Variants in FRMD4A observed in about 807,000 individuals in gnomAD.
FRMD4A encodes the protein FERM domain containing 4A.
FRMD4A carries 29 observed loss-of-function variants against 129.1 expected under a neutral mutation model. The observed-to-expected ratio is 0.22, with a 90% CI of 0.17 to 0.31. FRMD4A has a LOEUF of 0.31. Among genes scored for constraint, FRMD4A ranks in the 10% least tolerant of loss-of-function variants. The pLI is 1.00. For synonymous variants in FRMD4A, 634 were observed against 571.6 expected, an observed-to-expected ratio of 1.11 and a Z score of -1.56; for missense variants, 1,272 against 1,375.8, an observed-to-expected ratio of 0.92 and a Z score of 1.19.
chr10:13,772,677 T>C (rs1286027629), intron 6 of FRMD4A, among the ~76,000 whole-genome samples: 2 of 152,160 alleles, frequency 1.3e-5, no homozygotes, highest in Non-Finnish European at 2.9e-5. Flanking sequence ...TGGGAGGTCA[T>C]GATGTAAAGT....
rs567234806 is a variant in FRMD4A at position 14,057,397 on chromosome 10, C to A, written c.46-198485G>T. 5.3e-5 allele frequency among the ~76,000 whole-genome samples: 8 copies of A among 152,232 alleles called. No homozygotes were observed. In the South Asian group the frequency reaches 1.7e-3, roughly 32 times the overall value. ...TAGAGCTGGGGTTATAGGATTAGGTCATGTTGACAAACACAACAAAATAAT... is the reference window on the plus strand; with the variant it reads ...TAGAGCTGGGGTTATAGGATTAGGTAATGTTGACAAACACAACAAAATAAT... On this transcript the variant is annotated intron_variant, in intron 2 of 24. Transcript: ENST00000357447.
At chr10:14,256,651 T>C (rs1844623399) in intron 2 of FRMD4A, among the ~76,000 whole-genome samples, 1 of 152,066 alleles carries the variant, frequency 6.6e-6, no homozygotes, top group Non-Finnish European at 1.5e-5. Flanking sequence ...CACAAAAAAG[T>C]GCATGAGAGA....
rs536865483 is a variant in FRMD4A, at chr10:13,965,775, G to A, written c.46-106863C>T. Reference sequence around the variant, plus strand: ...CAAGTTTTGATCAGCCATACCATGCGAAAGACAGACTTAGCTTTCTCTTCT... The same window carrying A: ...CAAGTTTTGATCAGCCATACCATGCAAAAGACAGACTTAGCTTTCTCTTCT... On this transcript the variant is annotated intron_variant, in intron 2 of 24. Coordinates refer to ENST00000357447, the MANE Select transcript of FRMD4A (RefSeq NM_018027.5). Among the ~76,000 whole-genome samples, 11 of 152,272 alleles carry A rather than the reference G, an allele frequency of 7.2e-5. No homozygotes were observed. In the South Asian group the frequency reaches 1.7e-3, roughly 23 times the overall value.
chr10:14,095,781 G>A (rs569048971), intron 2 of FRMD4A, among the ~76,000 whole-genome samples: 10 of 152,328 alleles, frequency 6.6e-5, no homozygotes, highest in Admixed American at 3.9e-4. Flanking sequence ...TCCAAAACAC[G>A]ACCCACTTCT....
intron 2 of FRMD4A, among the ~76,000 whole-genome samples, chr10:13,889,354 C>T (rs2094667014): frequency 6.6e-6 from 1 of 152,236 alleles, no homozygotes; most frequent in Non-Finnish European, 1.5e-5. Context: ...AGTTCCAGAA[C>T]CAAGCAAGGA....
chr10:14,129,340 A>G (rs1839103112), intron 2 of FRMD4A, among the ~76,000 whole-genome samples: 1 of 144,242 alleles, frequency 6.9e-6, no homozygotes, highest in South Asian at 2.2e-4. Context: ...GGTTGCAATC[A>G]CTAATAATTT....
intron 3 of FRMD4A, among the ~76,000 whole-genome samples, chr10:13,824,538 C>G (rs1264379249): frequency 6.6e-6 from 1 of 151,114 alleles, no homozygotes; most frequent in African/African-American, 2.4e-5. Context: ...AACCAATACA[C>G]CAATAATAAA....
intron 2 of FRMD4A, among the ~76,000 whole-genome samples, chr10:14,015,862 C>T (rs1274306054): frequency 1.3e-5 from 2 of 152,146 alleles, no homozygotes; most frequent in African/African-American, 4.8e-5. Flanking sequence ...CAAATAGGTA[C>T]TCTTATTTTC....
chr10:13,747,738 G>A lies in FRMD4A; in HGVS notation c.546C>T (p.Tyr182=). The A allele has an allele frequency of 6.4e-7, 1 of 1,561,220 alleles. No homozygotes were observed. Among genetic ancestry groups the A allele is most frequent in the Non-Finnish European group, 8.8e-7 (1 of 1,131,960 alleles). The change falls in exon 9 of 25, where the codon TAC becomes TAT. Residue 182 remains tyrosine, a splice_region_variant and synonymous_variant. Transcript: ENST00000357447. The stretch of plus-strand genomic sequence containing the variant: ...GGGGAAGACTCCAGGGGTCTTACCA[G>A]TAGGCCAGGGAAGGGTGCTCCTTCA... The part of the protein sequence containing the change: ...QALKEHPSLA[Y]CEDRVIEHYK...
At chr10:13,846,692 C>A (rs2094051743) in intron 3 of FRMD4A, among the ~76,000 whole-genome samples, 1 of 152,228 alleles carries the variant, frequency 6.6e-6, no homozygotes, top group South Asian at 2.1e-4. Flanking sequence ...TTGGGCACAA[C>A]TGTACTCCTC....
At chr10:13,758,620 T>C (rs2091951188) in intron 8 of FRMD4A, among the ~76,000 whole-genome samples, 1 of 152,218 alleles carries the variant, frequency 6.6e-6, no homozygotes, top group Non-Finnish European at 1.5e-5. Context: ...TCATGCCTTA[T>C]GCAGGGGAGG....
At chr10:13,716,972 T>C (rs1319659211) in intron 12 of FRMD4A, among the ~76,000 whole-genome samples, 2 of 152,224 alleles carry the variant, frequency 1.3e-5, no homozygotes, top group Middle Eastern at 3.2e-3. Context: ...CCTGATGTAA[T>C]TCCTTCCCTC....
Position 13,657,479 on chromosome 10 carries a change from G to A in FRMD4A, c.2110C>T (p.His704Tyr), listed in dbSNP as rs2082264384. ...SPTRLHSLAL[H>Y]FRHRSSSLES... ...AGGCTGGAGCTCCGGTGCCTAAAGT[G>A]CAGTGCGAGGCTGTGCAGTCGGGTG... Residue 704 changes from histidine (H) to tyrosine (Y), a missense_variant, in exon 22 of 25, where the codon CAC becomes TAC. By Grantham distance (83) the His-to-Tyr change is moderately conservative. Coordinates refer to ENST00000357447, the MANE Select transcript of FRMD4A (RefSeq NM_018027.5). 6.2e-7 allele frequency: 1 copy of A among 1,609,412 alleles called. No individual in the cohort carries two copies. The highest frequency in any genetic ancestry group is 8.5e-7 in the Non-Finnish European group (1 of 1,179,514).
At chr10:14,186,613 CTTCTCTCCTGTTCAGTCTCAGGT>C (rs913483371) in intron 2 of FRMD4A, among the ~76,000 whole-genome samples, 6 of 152,186 alleles carry the variant, frequency 3.9e-5, no homozygotes, top group African/African-American at 1.2e-4. Context: ...AGGGACCCTG[CTTCTCTCCTGTTCAGTCTCAGGT>C]GACCCAAGGA....
chr10:13,939,502 C>T (rs1443895654), intron 2 of FRMD4A, among the ~76,000 whole-genome samples: 1 of 152,118 alleles, frequency 6.6e-6, no homozygotes, highest in African/African-American at 2.4e-5. Flanking sequence ...TAGTTCCTGG[C>T]TCTTTAGAAA....
intron 2 of FRMD4A, among the ~76,000 whole-genome samples, chr10:14,040,820 G>T (rs1341074971): frequency 6.6e-6 from 1 of 152,186 alleles, no homozygotes; most frequent in Non-Finnish European, 1.5e-5. Context: ...GGATACAGTG[G>T]TTTTGGCTTC....
intron 6 of FRMD4A, among the ~76,000 whole-genome samples, chr10:13,779,790 A>G (rs1323462650): frequency 1.3e-5 from 2 of 150,478 alleles, no homozygotes; most frequent in Admixed American, 6.6e-5. Context: ...TTCACTCTCA[A>G]AAAAAAAAAA....
At chr10:14,218,692 C>A (rs780580838) in intron 2 of FRMD4A, among the ~76,000 whole-genome samples, 11 of 152,018 alleles carry the variant, frequency 7.2e-5, no homozygotes, top group Non-Finnish European at 1.3e-4. Flanking sequence ...ATGGGAGCTA[C>A]AAGATGAGAT....
At chr10:14,054,158 C>T (rs11258839) in intron 2 of FRMD4A, among the ~76,000 whole-genome samples, 62,568 of 151,940 alleles carry the variant, frequency 0.41, 14,039 homozygotes, top group Middle Eastern at 0.53. Flanking sequence ...GAGTGAGACT[C>T]TGTCTCTTAA....
Sources: allele counts gnomAD v4.1 joint callset (sites outside exome capture counted in the v4.1 genomes callset), GRCh38; gene constraint gnomAD v4.1.1; transcripts MANE v1.5; gene names NCBI Gene and HGNC (gene_info 2026-07-23, HGNC 2026-07-21).